Variants in WNT7A observed in about 807,000 individuals in gnomAD.
WNT7A encodes protein Wnt-7a.
WNT7A carries 16 observed loss-of-function variants against 28.2 expected under a neutral mutation model. The observed-to-expected ratio is 0.57, with a 90% CI of 0.38 to 0.86. The LOEUF is 0.86. WNT7A is among the 40% of genes least tolerant of loss of function. WNT7A has a pLI of 0.00. For missense variants in WNT7A, 411 were observed against 489.7 expected (o/e 0.84, Z 1.52); for synonymous variants, 190 against 195.9 (o/e 0.97, Z 0.25).
At chr3:13,877,314 T>TA (rs1265391660) in intron 1 of WNT7A, 1 of 152,304 alleles carries the variant, frequency 6.6e-6, no homozygotes, top group Non-Finnish European at 1.5e-5. Context: ...GGTTCTCAGC[T>TA]AGCAGGTGTT....
chr3:13,853,446 C>G (rs1694671719), intron 3 of WNT7A, among the ~76,000 whole-genome samples: 1 of 152,198 alleles, frequency 6.6e-6, no homozygotes, highest in Non-Finnish European at 1.5e-5. Flanking sequence ...GCCTCACAGA[C>G]TAGCCAGTGT....
chr3:13,844,563 C>T (rs1365517845), intron 3 of WNT7A, among the ~76,000 whole-genome samples: 3 of 152,184 alleles, frequency 2.0e-5, no homozygotes, highest in African/African-American at 7.2e-5. Flanking sequence ...TACCAAGGGT[C>T]CCCAAGGATG....
At chr3:13,846,820 G>A (rs1694544368) in intron 3 of WNT7A, among the ~76,000 whole-genome samples, 1 of 152,140 alleles carries the variant, frequency 6.6e-6, no homozygotes, top group South Asian at 2.1e-4. Flanking sequence ...TCATGGCTGA[G>A]CCACCTGACT....
At chr3:13,855,139 G>A (rs531656120) in intron 2 of WNT7A, among the ~76,000 whole-genome samples, 7 of 152,216 alleles carry the variant, frequency 4.6e-5, no homozygotes, top group African/African-American at 1.4e-4. Context: ...CACACTTGAC[G>A]TAACCATGTA....
Position 13,819,506 on chromosome 3 carries a change from C to T in WNT7A, c.571-83G>A, listed in dbSNP as rs1180924745. The stretch of plus-strand genomic sequence containing the variant: ...CAGCCCCCAGCTCCCCCCCGCCCCC[C>T]ACCCCTGCCCCACCTATCTGGGTCT... On this transcript the variant is annotated intron_variant, in intron 3 of 3. Transcript: ENST00000285018. The T allele has an allele frequency of 2.7e-6, 4 of 1,477,488 alleles. No homozygotes were observed. In the African/African-American group the frequency reaches 4.2e-5, roughly 16 times the overall value. The allele number at this position is 1,477,488 out of a possible 1,614,324, so 91.5% of individuals were successfully genotyped here.
At chr3:13,864,998 T>G (rs773157473) in intron 2 of WNT7A, among the ~76,000 whole-genome samples, 5 of 152,100 alleles carry the variant, frequency 3.3e-5, no homozygotes, top group Non-Finnish European at 7.4e-5. Context: ...GATATGGAAA[T>G]TGGTGGTGGG....
At chr3:13,877,865 C>T (rs942017638) in intron 1 of WNT7A, among the ~76,000 whole-genome samples, 6 of 152,176 alleles carry the variant, frequency 3.9e-5, no homozygotes, top group Non-Finnish European at 7.4e-5. Flanking sequence ...CTGAACTATC[C>T]GAGCAAAATA....
intron 2 of WNT7A, among the ~76,000 whole-genome samples, chr3:13,861,051 A>C (rs1559304469): frequency 6.6e-6 from 1 of 152,190 alleles, no homozygotes; most frequent in Non-Finnish European, 1.5e-5. Flanking sequence ...GGCCCATGTG[A>C]TACAACCTGT....
chr3:13,876,945 CTG>C (rs1234776781), intron 1 of WNT7A: 1 of 152,178 alleles, frequency 6.6e-6, no homozygotes, highest in East Asian at 1.9e-4. Flanking sequence ...GTTTTCATGT[CTG>C]TGTTTTTAAT....
At chr3:13,842,062 G>A (rs987881187) in intron 3 of WNT7A, among the ~76,000 whole-genome samples, 15 of 150,338 alleles carry the variant, frequency 1.0e-4, no homozygotes, top group Admixed American at 7.4e-4. Flanking sequence ...CAGAGAGAGC[G>A]AAGGGGAAGG....
chr3:13,823,816 C>T (rs941721457), intron 3 of WNT7A, among the ~76,000 whole-genome samples: 2 of 152,198 alleles, frequency 1.3e-5, no homozygotes, highest in African/African-American at 2.4e-5. Flanking sequence ...GGCAGGAAAT[C>T]GGAGGGCAGG....
chr3:13,851,349 C>T (rs6765373), intron 3 of WNT7A, among the ~76,000 whole-genome samples: 20,318 of 152,206 alleles, frequency 0.13, 1,931 homozygotes, highest in African/African-American at 0.27. Flanking sequence ...TCCCCACCCT[C>T]GGCCACACGG....
chr3:13,853,927 G>A (rs1466670100), intron 3 of WNT7A, among the ~76,000 whole-genome samples: 1 of 152,174 alleles, frequency 6.6e-6, no homozygotes, highest in Admixed American at 6.5e-5. Flanking sequence ...CCTGCAGGGT[G>A]ATTGGACCAC....
chr3:13,849,652 G>A (rs1040613968), intron 3 of WNT7A, among the ~76,000 whole-genome samples: 3 of 152,196 alleles, frequency 2.0e-5, no homozygotes, highest in African/African-American at 7.2e-5. Context: ...AGATCATTCT[G>A]TGCGGTGGTT....
intron 3 of WNT7A, among the ~76,000 whole-genome samples, chr3:13,832,378 ACTC>A (rs1271349249): frequency 9.1e-6 from 1 of 109,498 alleles, no homozygotes; most frequent in Non-Finnish European, 1.9e-5. Flanking sequence ...GGCTCCTCCC[ACTC>A]CTCCTCCTCT....
chr3:13,865,270 A>G (rs901704984), intron 2 of WNT7A, among the ~76,000 whole-genome samples: 3 of 152,156 alleles, frequency 2.0e-5, no homozygotes, highest in Non-Finnish European at 4.4e-5. Flanking sequence ...GGAGTATAAC[A>G]TGCTGAGTTC....
chr3:13,843,572 C>A, intron 3 of WNT7A, among the ~76,000 whole-genome samples: 1 of 152,064 alleles, frequency 6.6e-6, no homozygotes, highest in Non-Finnish European at 1.5e-5. Context: ...CAGCAGAGAA[C>A]ACCTCCGGGG....
At chr3:13,864,786 A>ATT (rs1373074102) in intron 2 of WNT7A, among the ~76,000 whole-genome samples, 4 of 152,128 alleles carry the variant, frequency 2.6e-5, no homozygotes, top group Non-Finnish European at 4.4e-5. Flanking sequence ...GTGGATATAT[A>ATT]CTCTTCATTC....
At chr3:13,864,956 G>A (rs1005089736) in intron 2 of WNT7A, among the ~76,000 whole-genome samples, 14 of 152,226 alleles carry the variant, frequency 9.2e-5, no homozygotes, top group Non-Finnish European at 1.8e-4. Flanking sequence ...TGTCCGAAGC[G>A]AGGATGTGCC....
Sources: allele counts gnomAD v4.1 joint callset (sites outside exome capture counted in the v4.1 genomes callset), GRCh38; gene constraint gnomAD v4.1.1; transcripts MANE v1.5; gene names NCBI Gene and HGNC (gene_info 2026-07-23, HGNC 2026-07-21).